Variants in DGKH observed in about 807,000 individuals in gnomAD.
DGKH encodes the protein DAG kinase eta.
DGKH carries 90 observed loss-of-function variants against 159.3 expected under a neutral mutation model. That is an observed-to-expected ratio of 0.57 (90% CI 0.48 to 0.67). DGKH has a LOEUF of 0.67. Ranked by LOEUF, DGKH falls within the 30% of genes least tolerant of loss-of-function variation. DGKH has a pLI of 0.00. For missense variants in DGKH, 1,181 were observed against 1,506.1 expected (o/e 0.78, Z 3.57); for synonymous variants, 536 against 553.8 (o/e 0.97, Z 0.45).
intron 1 of DGKH, among the ~76,000 whole-genome samples, chr13:42,123,600 T>C (rs1462762172): frequency 6.6e-6 from 1 of 151,656 alleles, no homozygotes; most frequent in African/African-American, 2.4e-5. Flanking sequence ...ATTAGATAAA[T>C]ATCTTGCATC....
intron 26 of DGKH, 37 bp downstream of exon 26, chr13:42,215,704 A>T: frequency 6.4e-7 from 1 of 1,553,856 alleles, no homozygotes; most frequent in African/African-American, 1.3e-5. Flanking sequence ...AAGAATGATG[A>T]ATTAAATGTC....
At chr13:42,073,770 T>C (rs1883128852) in intron 1 of DGKH, among the ~76,000 whole-genome samples, 1 of 152,202 alleles carries the variant, frequency 6.6e-6, no homozygotes, top group East Asian at 1.9e-4. Flanking sequence ...TATATGGTAA[T>C]GGATACATGC....
At chr13:42,196,664 G>T (rs901381520) in intron 17 of DGKH, among the ~76,000 whole-genome samples, 1 of 152,290 alleles carries the variant, frequency 6.6e-6, no homozygotes. Flanking sequence ...TGGGTACACC[G>T]TTACTTTGCA....
At chr13:42,043,381 G>C (rs1352120633) in intron 1 of DGKH, among the ~76,000 whole-genome samples, 1 of 151,898 alleles carries the variant, frequency 6.6e-6, no homozygotes, top group East Asian at 1.9e-4. Context: ...TGAGACAGGG[G>C]CTTGCTGTGT....
chr13:42,182,607 T>C (rs528130342), intron 13 of DGKH, among the ~76,000 whole-genome samples: 1 of 152,282 alleles, frequency 6.6e-6, no homozygotes, highest in South Asian at 2.1e-4. Context: ...CAGGGAATGA[T>C]GACAAAAAAA....
Position 42,198,594 on chromosome 13 carries a change from G to T in DGKH, c.2284G>T (p.Val762Leu), listed in dbSNP as rs139794584. The stretch of plus-strand genomic sequence containing the variant: ...GTTTATTGACCCGGATCTAGATTCC[G>T]TGTAAGAAAATGCTTTTGCAAATAT... ...TPFIDPDLDS[V>L]DGYSEKCVMN... is the part of the protein sequence containing the mutation. Residue 762 changes from valine (V) to leucine (L), a missense_variant and splice_region_variant, in exon 18 of 30, where the codon GTA (valine) becomes TTA (leucine). Physicochemically the swap from Val to Leu is conservative, Grantham distance 32. Around this residue, in one of 5 missense-constraint regions of DGKH, gnomAD observed 335 missense variants for 495.2 expected, o/e 0.68. Coordinates refer to ENST00000337343, the MANE Select transcript of DGKH (RefSeq NM_178009.5). 1.9e-6 allele frequency: 3 copies of T among 1,602,988 alleles called. No individual in the cohort carries two copies. The African/African-American group carries it at 4.1e-5, about 22-fold the overall frequency.
rs937709523 is a variant in DGKH, at chr13:42,146,260, G to A, written c.385-9031G>A. Among the ~76,000 whole-genome samples the A allele has an allele frequency of 2.0e-5, 3 of 148,616 alleles. No individual in the cohort carries two copies. The East Asian group carries it at 6.0e-4, about 30-fold the overall frequency. The stretch of plus-strand genomic sequence containing the variant: ...CTTGTCCACCAGCAAGGACAGACGT[G>A]ACTATCCTCAAAATGACTGTAGATA... On this transcript the variant is annotated intron_variant, in intron 3 of 29. Transcript: ENST00000337343.
At chr13:42,094,547 A>G (rs9566917) in intron 1 of DGKH, among the ~76,000 whole-genome samples, 21,804 of 152,194 alleles carry the variant, frequency 0.14, 1,701 homozygotes, top group Non-Finnish European at 0.17. Flanking sequence ...TGTTTCACAA[A>G]GAGTTTACAT....
intron 1 of DGKH, among the ~76,000 whole-genome samples, chr13:42,065,590 G>A (rs1312262222): frequency 1.3e-5 from 2 of 152,154 alleles, no homozygotes; most frequent in Non-Finnish European, 2.9e-5. Context: ...AGGGTGTGTG[G>A]AGTAATTGAG....
In DGKH at chr13:42,210,696, T is replaced by C; in HGVS notation, c.2945T>C (p.Ile982Thr). The C allele has an allele frequency of 6.2e-7, 1 of 1,612,222 alleles. No homozygotes were observed. Among genetic ancestry groups the C allele is most frequent in the South Asian group, 1.1e-5 (1 of 90,996 alleles). The change falls in exon 24 of 30, where the codon ATT becomes ACT. Residue 982 changes from isoleucine (I) to threonine (T), a missense_variant. Around this residue, in one of 5 missense-constraint regions of DGKH, gnomAD observed 335 missense variants for 495.2 expected, o/e 0.68. Transcript: ENST00000337343. ...ACCCATTTGTACATCCATCACGCCA[T>C]TGACTTGGCAACAGAAGAGGTGTCG... Reference protein sequence around the residue: ...LRTHLYIHHAIDLATEEVSQM... With the variant: ...LRTHLYIHHATDLATEEVSQM...
chr13:42,207,018 T>TCTTTCTTTC (rs1491321459), intron 21 of DGKH, among the ~76,000 whole-genome samples: 3 of 145,316 alleles, frequency 2.1e-5, no homozygotes, highest in African/African-American at 7.8e-5. Flanking sequence ...TTTCTTTCTT[T>TCTTTCTTTC]CTTTCTTTTT....
chr13:42,137,478 T>C (rs1043495226), intron 3 of DGKH, among the ~76,000 whole-genome samples: 5 of 152,232 alleles, frequency 3.3e-5, no homozygotes, highest in Non-Finnish European at 7.3e-5. Flanking sequence ...AATAATATAA[T>C]GACTAGAATC....
At chr13:42,142,849 C>G (rs1955604526) in intron 3 of DGKH, among the ~76,000 whole-genome samples, 1 of 152,134 alleles carries the variant, frequency 6.6e-6, no homozygotes, top group Non-Finnish European at 1.5e-5. Flanking sequence ...CAAAAAGGGA[C>G]AATTTGACTT....
chr13:42,070,736 C>G (rs894506716), intron 1 of DGKH: 1 of 1,605,752 alleles, frequency 6.2e-7, no homozygotes, highest in Non-Finnish European at 8.5e-7. Context: ...GGGCCCTGCT[C>G]CAGCACTTTA....
chr13:42,157,346 C>T (rs993297035), intron 5 of DGKH, among the ~76,000 whole-genome samples: 3 of 152,036 alleles, frequency 2.0e-5, no homozygotes, highest in Non-Finnish European at 4.4e-5. Flanking sequence ...TGGTACCCTT[C>T]TGATTTGAGT....
intron 1 of DGKH, among the ~76,000 whole-genome samples, chr13:42,104,549 G>T (rs1359670852): frequency 6.6e-6 from 1 of 152,298 alleles, no homozygotes; most frequent in Non-Finnish European, 1.5e-5. Context: ...AATAGGACCA[G>T]GTGTCTTTAA....
In DGKH at chr13:42,055,904, A is replaced by G. The variant is rs557452297; in HGVS notation, c.192+6939A>G. 5.3e-5 allele frequency among the ~76,000 whole-genome samples: 8 copies of G among 152,296 alleles called. No homozygotes were observed. The South Asian group carries it at 1.5e-3, about 28-fold the overall frequency. On this transcript the variant is annotated intron_variant, in intron 1 of 29. Coordinates refer to ENST00000337343, the MANE Select transcript of DGKH (RefSeq NM_178009.5). Reference sequence around the variant, plus strand: ...GTGGCTCATGCCTGTAGTCCCAGCAATTTGGGAGGCTGAGCTGGTAAGGTT... The same window carrying G: ...GTGGCTCATGCCTGTAGTCCCAGCAGTTTGGGAGGCTGAGCTGGTAAGGTT...
chr13:42,153,758 G>C (rs1227137385), intron 3 of DGKH: 1 of 152,224 alleles, frequency 6.6e-6, no homozygotes, highest in Non-Finnish European at 1.5e-5. Context: ...AGGAAGAGAA[G>C]TGACCAACTG....
At chr13:42,182,860 T>C (rs1043292758) in intron 13 of DGKH, among the ~76,000 whole-genome samples, 1 of 152,148 alleles carries the variant, frequency 6.6e-6, no homozygotes, top group African/African-American at 2.4e-5. Context: ...TCCCTTAGTT[T>C]TCTCAGAGGT....
Sources: allele counts gnomAD v4.1 joint callset (sites outside exome capture counted in the v4.1 genomes callset), GRCh38; gene constraint gnomAD v4.1.1; regional missense constraint gnomAD v4.1.1; transcripts MANE v1.5; gene names NCBI Gene and HGNC (gene_info 2026-07-23, HGNC 2026-07-21).